The following LHCGR variants were observed in gnomAD, a reference collection of about 807,000 sequenced individuals.
LHCGR encodes the protein lutropin-choriogonadotropic hormone receptor.
In LHCGR, 55 loss-of-function variants were observed where a neutral mutation model predicts 60.7. That is an observed-to-expected ratio of 0.91 (90% CI 0.73 to 1.13). The LOEUF (loss-of-function observed/expected upper bound fraction) is 1.13, where lower values mean the gene tolerates loss of function less well. Ranked by LOEUF, LHCGR falls within the 50% of genes most tolerant of loss-of-function variation. The probability of loss-of-function intolerance (pLI) is 0.00; values close to 1 mark genes in which losing one functional copy is unlikely to be tolerated. For missense variants in LHCGR, 862 were observed against 836.0 expected (o/e 1.03, Z -0.38); for synonymous variants, 337 against 316.5 (o/e 1.06, Z -0.69).
At chr2:48,735,589 T>A (rs1190983122) in intron 1 of LHCGR, among the ~76,000 whole-genome samples, 1 of 152,216 alleles carries the variant, frequency 6.6e-6, no homozygotes, top group Non-Finnish European at 1.5e-5. Context: ...GTCAAGCTAG[T>A]ATCTCTTACT....
chr2:48,697,409 T>A (rs1277127196), intron 9 of LHCGR, among the ~76,000 whole-genome samples: 1 of 152,234 alleles, frequency 6.6e-6, no homozygotes, highest in East Asian at 1.9e-4. Flanking sequence ...GTTGCTCCCA[T>A]ACAGCTGTCT....
At chr2:48,736,340 A>T (rs1669206994) in intron 1 of LHCGR, among the ~76,000 whole-genome samples, 1 of 152,152 alleles carries the variant, frequency 6.6e-6, no homozygotes, top group African/African-American at 2.4e-5. Context: ...CTATCTTTAG[A>T]CCTTCTTCCT....
chr2:48,726,638 T>G (rs1264496688), intron 3 of LHCGR, among the ~76,000 whole-genome samples: 1 of 152,232 alleles, frequency 6.6e-6, no homozygotes, highest in Non-Finnish European at 1.5e-5. Context: ...GAGGAAATAA[T>G]AATTACCTTG....
chr2:48,712,962 ATAAT>A (rs1325030393), intron 7 of LHCGR, among the ~76,000 whole-genome samples: 1 of 152,212 alleles, frequency 6.6e-6, no homozygotes, highest in Non-Finnish European at 1.5e-5. Context: ...TTACATATCT[ATAAT>A]TAAAAATAAA....
chr2:48,732,110 T>C (rs1007430733), intron 1 of LHCGR, among the ~76,000 whole-genome samples: 3 of 152,108 alleles, frequency 2.0e-5, no homozygotes, highest in African/African-American at 7.2e-5. Flanking sequence ...GCAAAACCAG[T>C]ATAGGATGAT....
At chr2:48,706,786 C>T (rs542378104) in intron 8 of LHCGR, among the ~76,000 whole-genome samples, 12 of 152,138 alleles carry the variant, frequency 7.9e-5, no homozygotes, top group African/African-American at 2.2e-4. Flanking sequence ...GTTAGCCATT[C>T]GCCTAACCTT....
chr2:48,720,987 C>T (rs1668470949), intron 6 of LHCGR: 1 of 152,266 alleles, frequency 6.6e-6, no homozygotes, highest in African/African-American at 2.4e-5. Context: ...TAATTCAAAT[C>T]TGTTAGCTCT....
chr2:48,751,237 A>G (rs760910757), intron 1 of LHCGR, among the ~76,000 whole-genome samples: 32 of 144,112 alleles, frequency 2.2e-4, no homozygotes, highest in Admixed American at 2.0e-3. Flanking sequence ...TTATTAGTCA[A>G]TAACTACATA....
intron 6 of LHCGR, among the ~76,000 whole-genome samples, chr2:48,719,105 G>C (rs1361083047): frequency 6.6e-6 from 1 of 151,632 alleles, no homozygotes; most frequent in Non-Finnish European, 1.5e-5. Context: ...GGCGGATCAC[G>C]AGGTCAGGAG....
At chr2:48,741,797 A>C (rs1669468328) in intron 1 of LHCGR, among the ~76,000 whole-genome samples, 1 of 151,958 alleles carries the variant, frequency 6.6e-6, no homozygotes, top group African/African-American at 2.4e-5. Context: ...GGAGCAAAAT[A>C]ACCAGCTAAC....
At chr2:48,704,992 T>C (rs1421964927) in intron 8 of LHCGR, among the ~76,000 whole-genome samples, 2 of 152,234 alleles carry the variant, frequency 1.3e-5, no homozygotes, top group Non-Finnish European at 2.9e-5. Context: ...AGGGTGTCAA[T>C]TTTAGATCTT....
chr2:48,750,756 G>A (rs998097088), intron 1 of LHCGR, among the ~76,000 whole-genome samples: 1 of 152,128 alleles, frequency 6.6e-6, no homozygotes, highest in African/African-American at 2.4e-5. Context: ...ATTTCTTCAG[G>A]TGGTTCTTAC....
intron 9 of LHCGR, among the ~76,000 whole-genome samples, chr2:48,695,045 G>A (rs1011665144): frequency 1.3e-5 from 2 of 152,090 alleles, no homozygotes; most frequent in African/African-American, 2.4e-5. Flanking sequence ...TAGTGATGAT[G>A]AGCATTTTTT....
chr2:48,687,795 T>C lies in LHCGR; in HGVS notation c.2002A>G (p.Thr668Ala). ...GATTGAGAAGGCTTATTTGATCCAG[T>C]GAAGCCATTTTTGCAGTTGGAGGTG... The part of the protein sequence containing the change: ...AYTSNCKNGF[T>A]GSNKPSQSTL... Residue 668 changes from threonine to alanine, a missense_variant, in exon 11 of 11, where the codon ACT becomes GCT. Coordinates refer to ENST00000294954, the MANE Select transcript of LHCGR (RefSeq NM_000233.4). 6.2e-7 allele frequency: 1 copy of C among 1,614,150 alleles called. No individual in the cohort carries two copies. Among genetic ancestry groups the C allele is most frequent in the African/African-American group, 1.3e-5 (1 of 75,052 alleles).
chr2:48,694,097 T>C, intron 10 of LHCGR, 127 bp downstream of exon 10: 1 of 690,352 alleles, frequency 1.4e-6, no homozygotes, highest in Non-Finnish European at 2.6e-6. Context: ...ATTTTAAAAC[T>C]ATTAAAAGTT....
At chr2:48,749,720 TAAA>T (rs35333492) in intron 1 of LHCGR, among the ~76,000 whole-genome samples, 8 of 129,950 alleles carry the variant, frequency 6.2e-5, no homozygotes, top group Admixed American at 7.9e-5. Flanking sequence ...CTTTTGAAAT[TAAA>T]AAAAAAAAAA....
intron 1 of LHCGR, among the ~76,000 whole-genome samples, chr2:48,754,568 A>G (rs1244825408): frequency 6.6e-6 from 1 of 151,958 alleles, no homozygotes; most frequent in African/African-American, 2.4e-5. Flanking sequence ...AACTGTCTCT[A>G]CAATCTAATT....
Position 48,688,906 on chromosome 2 carries a change from C to G in LHCGR, c.948-57G>C. ...GATTTTCTCTGAGTATTAAAAAATT[C>G]AAGAATTATGTTTCTTTAAAGGCAA... On this transcript the variant is annotated intron_variant, in intron 10 of 10. Transcript: ENST00000294954. The surrounding 1 kb of genome is among the most constrained non-coding windows in gnomAD (Gnocchi z 5.2). 6.6e-7 allele frequency: 1 copy of G among 1,512,000 alleles called. No homozygotes were observed. Among genetic ancestry groups the G allele is most frequent in the South Asian group, 1.1e-5 (1 of 88,184 alleles). The allele number at this position is 1,512,000 out of a possible 1,614,324, so 93.7% of individuals were successfully genotyped here. A position where few individuals can be genotyped will look rare whatever the true frequency, so the allele number is the denominator to read the frequency against.
chr2:48,716,056 G>A lies in LHCGR; in HGVS notation c.537-2002C>T, dbSNP rs553541528. 2.6e-5 allele frequency among the ~76,000 whole-genome samples: 4 copies of A among 152,198 alleles called. No homozygotes were observed. The East Asian group carries it at 7.7e-4, about 29-fold the overall frequency. On this transcript the variant is annotated intron_variant, in intron 6 of 10. Coordinates refer to ENST00000294954, the MANE Select transcript of LHCGR (RefSeq NM_000233.4). ...TCAGAGTTTACAGCTTCACATACTA[G>A]CTCTCCCATATTGGATTACTGGATG...
Sources: gnomAD v4.1 joint callset for allele counts (sites outside exome capture counted in the v4.1 genomes callset) on GRCh38, gnomAD v4.1.1 for gene constraint, Gnocchi (gnomAD v3.1) non-coding constraint, MANE v1.5 for transcripts, NCBI Gene and HGNC (gene_info 2026-07-23, HGNC 2026-07-21) for gene names.